The following VLDLR variants were observed in gnomAD, a reference collection of about 807,000 sequenced individuals.
The protein encoded by VLDLR is very low-density lipoprotein receptor.
A neutral mutation model predicts 112.7 loss-of-function variants in VLDLR; 81 were observed. That is an observed-to-expected ratio of 0.72 (90% CI 0.60 to 0.86). The LOEUF (loss-of-function observed/expected upper bound fraction) is 0.86. Ranked by LOEUF, VLDLR falls within the 40% of genes least tolerant of loss-of-function variation. VLDLR has a pLI of 0.00. For missense variants in VLDLR, 1,237 were observed against 1,099.4 expected (o/e 1.13, Z -1.77); for synonymous variants, 436 against 384.8 (o/e 1.13, Z -1.56).
At chr9:2,625,474 G>A (rs1299168946) in intron 1 of VLDLR, among the ~76,000 whole-genome samples, 2 of 152,184 alleles carry the variant, frequency 1.3e-5, no homozygotes, top group East Asian at 1.9e-4. Context: ...AGTTGCCTAC[G>A]TGACTTAAAG....
chr9:2,639,209 G>T (rs1324207563), intron 2 of VLDLR, among the ~76,000 whole-genome samples: 3 of 152,208 alleles, frequency 2.0e-5, no homozygotes, highest in Admixed American at 6.5e-5. Context: ...TCTGATATCA[G>T]GTGAGGGCTG....
intron 1 of VLDLR, among the ~76,000 whole-genome samples, chr9:2,634,585 C>T (rs1817516874): frequency 6.6e-6 from 1 of 152,180 alleles, no homozygotes; most frequent in Non-Finnish European, 1.5e-5. Context: ...TTAGTTCACA[C>T]CATTGTGTGA....
In VLDLR at chr9:2,654,112, A is replaced by G. The variant is rs972485995; in HGVS notation, c.*244A>G. 1.5e-4 allele frequency: 77 copies of G among 514,788 alleles called. No individual in the cohort carries two copies. The highest frequency in any genetic ancestry group is 1.2e-3 in the South Asian group (59 of 48,670). 31.9% of individuals were successfully genotyped at this position (514,788 alleles called of 1,614,324 possible). On this transcript the variant is annotated 3_prime_UTR_variant, in exon 19 of 19. Transcript: ENST00000382100. The stretch of plus-strand genomic sequence containing the variant: ...ATCTGTAACCCTTGAATTTCTAGAC[A>G]GTATTGCCACCTCTGGCCAAATATG...
At chr9:2,629,848 G>A (rs1817258944) in intron 1 of VLDLR, among the ~76,000 whole-genome samples, 1 of 152,192 alleles carries the variant, frequency 6.6e-6, no homozygotes, top group South Asian at 2.1e-4. Context: ...CCAGGCTGGA[G>A]TGCAATGGCA....
rs190683385 is a variant in VLDLR at position 2,659,846 on chromosome 9, A to C, written c.*5978A>C. 1.4e-4 allele frequency: 21 copies of C among 152,328 alleles called. No homozygotes were observed. The highest frequency in any genetic ancestry group is 1.4e-3 in the Admixed American group (21 of 15,304). The allele number at this position is 152,328 out of a possible 1,614,324, so 9.4% of individuals were successfully genotyped here. On this transcript the variant is annotated 3_prime_UTR_variant, in exon 19 of 19. Coordinates refer to ENST00000382100, the MANE Select transcript of VLDLR (RefSeq NM_003383.5). ...CAAAATGACTGGCTTTGACAAAACT[A>C]TCTTGCTCTTTTTAAATGTCACTTG...
At chr9:2,644,031 AC>A in intron 7 of VLDLR, 72 bp downstream of exon 7, 1 of 1,608,354 alleles carries the variant, frequency 6.2e-7, no homozygotes, top group Non-Finnish European at 8.5e-7. Flanking sequence ...CACTGTGTGG[AC>A]CCCCCGTGAT....
chr9:2,637,866 C>A (rs1469312489), intron 2 of VLDLR, among the ~76,000 whole-genome samples: 1 of 152,130 alleles, frequency 6.6e-6, no homozygotes, highest in Non-Finnish European at 1.5e-5. Context: ...TGGCGTGAAC[C>A]CGGGAGGCGG....
intron 11 of VLDLR, 56 bp downstream of exon 11, chr9:2,646,608 G>A: frequency 6.7e-7 from 1 of 1,502,060 alleles, no homozygotes; most frequent in South Asian, 1.1e-5. Context: ...TAGGTCAGGA[G>A]CTTTCTCATA....
rs752336198 is a variant in VLDLR, at chr9:2,643,307, A to G, written c.596A>G (p.Gln199Arg). 1 of 1,613,756 alleles carries G rather than the reference A, an allele frequency of 6.2e-7. No homozygotes were observed. Among genetic ancestry groups the G allele is most frequent in the Non-Finnish European group, 8.5e-7 (1 of 1,179,816 alleles). The change falls in exon 5 of 19, where the codon CAG becomes CGG. Residue 199 changes from glutamine to arginine, a missense_variant. By Grantham distance (43) the Gln-to-Arg change is conservative. Transcript: ENST00000382100. The part of the protein sequence containing the change: ...APPTCGAHEF[Q>R]CSTSSCIPIS... ...CCAACCTGTGGCGCCCATGAGTTCC[A>G]GTGCAGCACCTCCTCCTGCATCCCC... is the stretch of plus-strand genomic sequence containing the variant.
At position 2,655,777 on chromosome 9, in the gene VLDLR, T is replaced by C. The variant is rs955330759; in HGVS notation, c.*1909T>C. ...TAGTCATGAATATAGAACTGTCTGC[T>C]CTCCACCTTTTCCTCACTCTACATT... is the stretch of plus-strand genomic sequence containing the variant. On this transcript the variant is annotated 3_prime_UTR_variant, in exon 19 of 19. Coordinates refer to ENST00000382100, the MANE Select transcript of VLDLR (RefSeq NM_003383.5). 3 of 152,132 alleles carry C rather than the reference T, an allele frequency of 2.0e-5. No homozygotes were observed. The highest frequency in any genetic ancestry group is 2.0e-4 in the Admixed American group (3 of 15,272). 9.4% of individuals were successfully genotyped at this position (152,132 alleles called of 1,614,324 possible). A position where few individuals can be genotyped will look rare whatever the true frequency, so the allele number is the denominator to read the frequency against.
chr9:2,652,665 TA>T, intron 17 of VLDLR, 114 bp from the exon 18 acceptor site: 1 of 1,416,448 alleles, frequency 7.1e-7, no homozygotes, highest in Non-Finnish European at 9.8e-7. Flanking sequence ...CCTAGCTCCA[TA>T]AAACATGGCA....
rs1197035588 is a variant in VLDLR, at chr9:2,656,162, T to G, written c.*2294T>G. 6.6e-6 allele frequency: 1 copy of G among 151,300 alleles called. No homozygotes were observed. Among genetic ancestry groups the G allele is most frequent in the Admixed American group, 6.6e-5 (1 of 15,260 alleles). 9.4% of individuals were successfully genotyped at this position (151,300 alleles called of 1,614,324 possible). A position where few individuals can be genotyped will look rare whatever the true frequency, so the allele number is the denominator to read the frequency against. ...ATGTTCTGGGTAAAATTTCCAACCCTCAAAGAGTCTAAAACGTCTCATTTT... is the reference window on the plus strand; with the variant it reads ...ATGTTCTGGGTAAAATTTCCAACCCGCAAAGAGTCTAAAACGTCTCATTTT... On this transcript the variant is annotated 3_prime_UTR_variant, in exon 19 of 19. Transcript: ENST00000382100.
chr9:2,653,010 C>A, intron 18 of VLDLR, 61 bp downstream of exon 18: 1 of 1,603,134 alleles, frequency 6.2e-7, no homozygotes, highest in Non-Finnish European at 8.5e-7. Flanking sequence ...AGAAAGGAGA[C>A]CTGGGTGAGA....
intron 12 of VLDLR, 66 bp from the exon 13 acceptor site, chr9:2,648,142 G>C (rs780340574): frequency 6.8e-5 from 109 of 1,596,264 alleles, no homozygotes; most frequent in Non-Finnish European, 8.8e-5. Context: ...TAATTCATTA[G>C]ATATTTTTAA....
At chr9:2,651,007 G>C (rs978225373) in intron 15 of VLDLR, among the ~76,000 whole-genome samples, 11 of 152,148 alleles carry the variant, frequency 7.2e-5, no homozygotes, top group African/African-American at 2.7e-4. Context: ...TGGTGAGGCT[G>C]ATGAGGTTTT....
chr9:2,646,288 T>C (rs1818064569), intron 10 of VLDLR, 46 bp from the exon 11 acceptor site: 1 of 1,596,594 alleles, frequency 6.3e-7, no homozygotes. Flanking sequence ...CTCCAAGCTC[T>C]AATTGTGTCA....
intron 9 of VLDLR, 131 bp downstream of exon 9, chr9:2,645,213 T>A (rs1818015160): frequency 7.5e-7 from 1 of 1,335,378 alleles, no homozygotes; most frequent in African/African-American, 1.4e-5. Context: ...AACCTCATAA[T>A]ACAGCAGTAT....
At position 2,652,889 on chromosome 9, in the gene VLDLR, A is replaced by C. The variant is rs192276933; in HGVS notation, c.2526A>C (p.Glu842Asp). ...ATCCTGTGTACTTGAAAACCACTGAAGAGGACCTCTCCATAGACATTGGTA... is the reference window on the plus strand; with the variant it reads ...ATCCTGTGTACTTGAAAACCACTGACGAGGACCTCTCCATAGACATTGGTA... ...FDNPVYLKTT[E>D]EDLSIDIGRH... The change falls in exon 18 of 19, where the codon GAA (glutamate) becomes GAC (aspartate). Residue 842 changes from glutamate (E) to aspartate (D), a missense_variant. By Grantham distance (45) the Glu-to-Asp change is conservative. Coordinates refer to ENST00000382100, the MANE Select transcript of VLDLR (RefSeq NM_003383.5). 6.2e-7 allele frequency: 1 copy of C among 1,614,120 alleles called. No homozygotes were observed. The highest frequency in any genetic ancestry group is 2.2e-5 in the East Asian group (1 of 44,874).
Position 2,622,086 on chromosome 9 carries a change from C to A in VLDLR, c.-104C>A. The A allele has an allele frequency of 8.4e-7, 1 of 1,196,020 alleles. No homozygotes were observed. The highest frequency in any genetic ancestry group is 1.1e-6 in the Non-Finnish European group (1 of 886,312). The allele number at this position is 1,196,020 out of a possible 1,614,324, so 74.1% of individuals were successfully genotyped here. On this transcript the variant is annotated 5_prime_UTR_variant, in exon 1 of 19. Transcript: ENST00000382100. The stretch of plus-strand genomic sequence containing the variant: ...CTTCCCCTCCTTCTCCCCCTTTCCC[C>A]TCCCCGCCCCCACCTTCTTCCTCCT...
Sources: gnomAD v4.1 joint callset for allele counts (sites outside exome capture counted in the v4.1 genomes callset) on GRCh38, gnomAD v4.1.1 for gene constraint, MANE v1.5 for transcripts, NCBI Gene and HGNC (gene_info 2026-07-23, HGNC 2026-07-21) for gene names.